The following STAG1 variants were observed in gnomAD, a reference collection of about 807,000 sequenced individuals.
STAG1 encodes the protein cohesin subunit SA-1.
STAG1 carries 26 observed loss-of-function variants against 170.9 expected under a neutral mutation model. That is an observed-to-expected ratio of 0.15 (90% CI 0.11 to 0.21). The LOEUF (loss-of-function observed/expected upper bound fraction) is 0.21. Ranked by LOEUF, STAG1 falls within the 10% of genes least tolerant of loss-of-function variation. The pLI is 1.00. For missense variants in STAG1, 964 were observed against 1,509.5 expected (o/e 0.64, Z 5.99); for synonymous variants, 514 against 497.7 (o/e 1.03, Z -0.44).
intron 1 of STAG1, among the ~76,000 whole-genome samples, chr3:136,751,813 G>A (rs563430407): frequency 2.6e-5 from 4 of 151,122 alleles, no homozygotes; most frequent in Admixed American, 1.3e-4. Context: ...CCGGGCGGGG[G>A]GGGGCGGAGG....
intron 1 of STAG1, among the ~76,000 whole-genome samples, chr3:136,650,366 CATTTTT>C (rs1941176144): frequency 6.6e-6 from 1 of 152,018 alleles, no homozygotes; most frequent in East Asian, 1.9e-4. Context: ...AGAAAATAGT[CATTTTT>C]AAAGATTGAC....
intron 1 of STAG1, among the ~76,000 whole-genome samples, chr3:136,634,743 T>A (rs181188185): frequency 2.6e-5 from 4 of 151,566 alleles, no homozygotes; most frequent in African/African-American, 7.3e-5. Flanking sequence ...ATATTGAGAT[T>A]AGAAAAACAA....
At chr3:136,492,557 A>T (rs1297184478) in intron 9 of STAG1, among the ~76,000 whole-genome samples, 1 of 152,218 alleles carries the variant, frequency 6.6e-6, no homozygotes, top group Non-Finnish European at 1.5e-5. Context: ...GCACAAAATG[A>T]TTTTTAGATG....
At chr3:136,660,019 A>AT (rs943672895) in intron 1 of STAG1, among the ~76,000 whole-genome samples, 1 of 152,170 alleles carries the variant, frequency 6.6e-6, no homozygotes, top group African/African-American at 2.4e-5. Flanking sequence ...TCTCTATAAA[A>AT]TTTTTTAAAT....
chr3:136,590,994 GT>G (rs113324601), intron 4 of STAG1, among the ~76,000 whole-genome samples: 4 of 147,062 alleles, frequency 2.7e-5, no homozygotes, highest in Non-Finnish European at 4.5e-5. Flanking sequence ...GTGTTGTTTT[GT>G]TTTTTTTTGC....
chr3:136,351,619 T>C (rs1226664377), intron 28 of STAG1, among the ~76,000 whole-genome samples: 1 of 152,130 alleles, frequency 6.6e-6, no homozygotes, highest in African/African-American at 2.4e-5. Flanking sequence ...CACCAAACAC[T>C]GGCTGAACTA....
At chr3:136,340,241 G>A (rs1169398596) in intron 32 of STAG1, among the ~76,000 whole-genome samples, 1 of 152,088 alleles carries the variant, frequency 6.6e-6, no homozygotes, top group Non-Finnish European at 1.5e-5. Flanking sequence ...TACAACCTCA[G>A]CCTCCCAAGT....
intron 5 of STAG1, among the ~76,000 whole-genome samples, chr3:136,553,216 G>A (rs956549627): frequency 1.3e-5 from 2 of 152,010 alleles, no homozygotes; most frequent in Non-Finnish European, 2.9e-5. Flanking sequence ...GATAAAAAGA[G>A]TAAAAGAACT....
intron 6 of STAG1, among the ~76,000 whole-genome samples, chr3:136,522,406 G>A (rs890441926): frequency 1.3e-5 from 2 of 152,122 alleles, no homozygotes; most frequent in Non-Finnish European, 1.5e-5. Context: ...ACTACATGAC[G>A]GGGAGTGTGA....
At chr3:136,613,371 G>A (rs1400973682) in intron 3 of STAG1, among the ~76,000 whole-genome samples, 1 of 148,258 alleles carries the variant, frequency 6.7e-6, no homozygotes, top group East Asian at 2.0e-4. Flanking sequence ...ATACCTCCCA[G>A]GAAACTGATA....
At chr3:136,722,745 G>A (rs1013021576) in intron 1 of STAG1, among the ~76,000 whole-genome samples, 23 of 150,008 alleles carry the variant, frequency 1.5e-4, no homozygotes, top group East Asian at 8.0e-4. Context: ...ATGCCGAGCC[G>A]AAGCTGGACT....
At chr3:136,465,558 CAAAAAAAAAAAAAAAAAAA>C (rs11364802) in intron 12 of STAG1, among the ~76,000 whole-genome samples, 1 of 48,218 alleles carries the variant, frequency 2.1e-5, no homozygotes, top group Non-Finnish European at 3.3e-5. Context: ...ACTCTTGCCT[CAAAAAAAAAAAAAAAAAAA>C]AAAAAAAAAG....
intron 30 of STAG1, 62 bp from the exon 31 acceptor site, chr3:136,341,613 C>T: frequency 7.0e-6 from 8 of 1,136,090 alleles, no homozygotes; most frequent in South Asian, 2.5e-5. Context: ...TAATGAGCCC[C>T]AAGCTAAGAA....
intron 5 of STAG1, among the ~76,000 whole-genome samples, chr3:136,567,770 G>C (rs957998575): frequency 5.9e-5 from 9 of 152,298 alleles, no homozygotes; most frequent in African/African-American, 2.2e-4. Context: ...TGCCTGATGG[G>C]ACTGTTAACA....
In STAG1 at chr3:136,433,566, G is replaced by C; in HGVS notation, c.1640C>G (p.Thr547Ser). Residue 547 changes from threonine (T) to serine (S), a missense_variant, in exon 16 of 34, where the codon ACC (threonine) becomes AGC (serine). Physicochemically the swap from Thr to Ser is moderately conservative, Grantham distance 58. This residue lies in a region of STAG1 where 232 missense variants were observed against 313.0 expected (regional missense o/e 0.74). Transcript: ENST00000383202. The stretch of plus-strand genomic sequence containing the variant: ...ACTAATGTAACTTACTCTCTTGCCG[G>C]TACCCCTTCCCACTGGAGGATGTGC... The part of the protein sequence containing the change: ...AEAHPPVGRG[T>S]GKRVLTAKER... 6.3e-7 allele frequency: 1 copy of C among 1,599,522 alleles called. No individual in the cohort carries two copies.
At chr3:136,418,002 T>C (rs1395279791) in intron 20 of STAG1, 30 bp from the exon 21 acceptor site, 4 of 1,519,656 alleles carry the variant, frequency 2.6e-6, no homozygotes, top group African/African-American at 1.4e-5. Context: ...ATCTGTTTTA[T>C]TCTAGAATGG....
chr3:136,737,009 A>C (rs1222567376), intron 1 of STAG1: 1 of 1,581,564 alleles, frequency 6.3e-7, no homozygotes, highest in Non-Finnish European at 8.7e-7. Context: ...ACCAAGATGG[A>C]TAACTGCCGC....
At chr3:136,637,549 T>C (rs997118451) in intron 1 of STAG1, among the ~76,000 whole-genome samples, 10 of 152,210 alleles carry the variant, frequency 6.6e-5, no homozygotes, top group African/African-American at 2.4e-4. Flanking sequence ...CTCAGTAACA[T>C]AAACCTTAAA....
At chr3:136,694,058 T>C (rs531037295) in intron 1 of STAG1, among the ~76,000 whole-genome samples, 1 of 152,164 alleles carries the variant, frequency 6.6e-6, no homozygotes, top group Non-Finnish European at 1.5e-5. Context: ...AAGCCAGAAT[T>C]TTCTCTGAAT....
Sources: gnomAD v4.1 joint callset for allele counts (sites outside exome capture counted in the v4.1 genomes callset) on GRCh38, gnomAD v4.1.1 for gene constraint, gnomAD v4.1.1 regional missense constraint, MANE v1.5 for transcripts, NCBI Gene and HGNC (gene_info 2026-07-23, HGNC 2026-07-21) for gene names.